AAK1: variants seen among roughly 807,000 people sequenced by gnomAD.
AAK1 encodes AP2 associated kinase 1, also known as AP2-associated protein kinase 1.
AAK1 carries 37 observed loss-of-function variants against 116.0 expected under a neutral mutation model. That is an observed-to-expected ratio of 0.32 (90% CI 0.25 to 0.42). AAK1 has a LOEUF of 0.42. Ranked by LOEUF, AAK1 falls within the 10% of genes least tolerant of loss-of-function variation. AAK1 has a pLI of 1.00. For missense variants in AAK1, 919 were observed against 1,170.6 expected, an observed-to-expected ratio of 0.79 and a Z score of 3.14; for synonymous variants, 458 against 439.9, an observed-to-expected ratio of 1.04 and a Z score of -0.51.
In AAK1 at chr2:69,474,771, A is replaced by G; in HGVS notation, c.*1098T>C. The G allele has an allele frequency of 2.0e-6, 2 of 985,826 alleles. No homozygotes were observed. The highest frequency in any genetic ancestry group is 2.4e-6 in the Non-Finnish European group (2 of 829,922). The allele number at this position is 985,826 out of a possible 1,614,324, so 61.1% of individuals were successfully genotyped here. On this transcript the variant is annotated 3_prime_UTR_variant, in exon 22 of 22. Transcript: ENST00000409085. ...TATTCAAAATGATTCCATATGTTAC[A>G]CTGTAGGATTGTTGTGTAGTTATAC... is the stretch of plus-strand genomic sequence containing the variant.
chr2:69,502,224 T>C (rs930194348), intron 16 of AAK1, among the ~76,000 whole-genome samples: 1 of 152,186 alleles, frequency 6.6e-6, no homozygotes, highest in African/African-American at 2.4e-5. Flanking sequence ...GATGATTTTC[T>C]AGGAAAAGAT....
At chr2:69,610,037 T>G (rs1436593657) in intron 2 of AAK1, among the ~76,000 whole-genome samples, 2 of 119,200 alleles carry the variant, frequency 1.7e-5, no homozygotes, top group Non-Finnish European at 3.2e-5. Flanking sequence ...GGCGACAGAG[T>G]GAGACTCTGT....
At chr2:69,555,417 A>G (rs1671351833) in intron 3 of AAK1, among the ~76,000 whole-genome samples, 1 of 152,320 alleles carries the variant, frequency 6.6e-6, no homozygotes, top group Admixed American at 6.5e-5. Context: ...CAGAAGTCCA[A>G]CTGCAGCCTA....
rs891842713 is a variant in AAK1 at position 69,601,819 on chromosome 2, G to A, written c.163+41059C>T. Among the ~76,000 whole-genome samples the A allele has an allele frequency of 2.6e-5, 4 of 152,304 alleles. No individual in the cohort carries two copies. In the East Asian group the frequency reaches 7.7e-4, roughly 29 times the overall value. On this transcript the variant is annotated intron_variant, in intron 2 of 21. Transcript: ENST00000409085. ...AGGATGGACACTAGCATTAGTAAAT[G>A]AAAGTTTGATAAGGAAGAGGATTTA... is the stretch of plus-strand genomic sequence containing the variant.
rs115169248 is a variant in AAK1 at position 69,493,491 on chromosome 2, G to A, written c.2365+2494C>T. 5.5e-3 allele frequency among the ~76,000 whole-genome samples: 835 copies of A among 152,200 alleles called. 8 individuals are homozygous for A. Among genetic ancestry groups the A allele is most frequent in the African/African-American group, 0.019 (800 of 41,532 alleles). ...TATGGAGCCAGTCGTCTGGTGCCTG[G>A]GAGCTGGGACAGAAATGCAGGGTAA... On this transcript the variant is annotated intron_variant, in intron 17 of 21. Coordinates refer to ENST00000409085, the MANE Select transcript of AAK1 (RefSeq NM_014911.5).
chr2:69,469,363 A>G lies in AAK1; in HGVS notation c.*6506T>C, dbSNP rs1674599496. The G allele has an allele frequency of 5.1e-6, 5 of 985,336 alleles. No homozygotes were observed. The highest frequency in any genetic ancestry group is 1.7e-5 in the African/African-American group (1 of 57,242). 61.0% of individuals were successfully genotyped at this position (985,336 alleles called of 1,614,324 possible). ...CCAAATATACTAGAAACAGAAGGTA[A>G]CCATTAAATCTTGTTGGCAGATAAA... On this transcript the variant is annotated 3_prime_UTR_variant, in exon 22 of 22. Transcript: ENST00000409085.
intron 2 of AAK1, among the ~76,000 whole-genome samples, chr2:69,582,399 G>A (rs188967035): frequency 1.3e-4 from 19 of 151,880 alleles, no homozygotes; most frequent in African/African-American, 4.1e-4. Context: ...GTGTGTGTGC[G>A]TGTGTGTGCG....
At chr2:69,563,813 T>G (rs1671749129) in intron 2 of AAK1, among the ~76,000 whole-genome samples, 1 of 152,186 alleles carries the variant, frequency 6.6e-6, no homozygotes, top group Non-Finnish European at 1.5e-5. Context: ...ATAATTCAGT[T>G]AAAGTGGGTT....
chr2:69,509,148 C>T, intron 14 of AAK1, 83 bp downstream of exon 14: 1 of 1,168,818 alleles, frequency 8.6e-7, no homozygotes, highest in Non-Finnish European at 1.3e-6. Flanking sequence ...CATCTACACA[C>T]TTATGCAAAG....
rs1490807008 is a variant in AAK1, at chr2:69,460,343, T to C, written c.*15526A>G. On this transcript the variant is annotated 3_prime_UTR_variant, in exon 22 of 22. Transcript: ENST00000409085. ...TTTCCTATGTGATATACTGCATATA[T>C]ATTATATCTGATATATGTTTTGATT... 6.7e-6 allele frequency: 1 copy of C among 150,144 alleles called. No homozygotes were observed. Among genetic ancestry groups the C allele is most frequent in the Admixed American group, 6.6e-5 (1 of 15,198 alleles). The allele number at this position is 150,144 out of a possible 1,614,324, so 9.3% of individuals were successfully genotyped here.
At chr2:69,493,429 G>T (rs1213866241) in intron 17 of AAK1, among the ~76,000 whole-genome samples, 3 of 152,036 alleles carry the variant, frequency 2.0e-5, no homozygotes, top group Admixed American at 6.5e-5. Context: ...GGTGTGGGGG[G>T]ACTGGCTGGG....
intron 3 of AAK1, among the ~76,000 whole-genome samples, chr2:69,545,569 A>G (rs971201023): frequency 2.0e-5 from 3 of 152,232 alleles, no homozygotes; most frequent in Non-Finnish European, 4.4e-5. Context: ...AATTAGATTC[A>G]GCTGTTTACA....
intron 2 of AAK1, among the ~76,000 whole-genome samples, chr2:69,570,710 T>G (rs1242217574): frequency 6.6e-6 from 1 of 152,210 alleles, no homozygotes; most frequent in Non-Finnish European, 1.5e-5. Flanking sequence ...GATTAATAGA[T>G]GTTTGGCAAA....
rs979041907 is a variant in AAK1 at position 69,474,212 on chromosome 2, A to C, written c.*1657T>G. On this transcript the variant is annotated 3_prime_UTR_variant, in exon 22 of 22. Coordinates refer to ENST00000409085, the MANE Select transcript of AAK1 (RefSeq NM_014911.5). ...TTTTCCCCCATAAAGTGCAAATGTG[A>C]GGAAGAAGAAACAAAAGTACTAGAT... is the stretch of plus-strand genomic sequence containing the variant. 1 of 985,844 alleles carries C rather than the reference A, an allele frequency of 1.0e-6. No individual in the cohort carries two copies. The highest frequency in any genetic ancestry group is 1.2e-6 in the Non-Finnish European group (1 of 829,934). The allele number at this position is 985,844 out of a possible 1,614,324, so 61.1% of individuals were successfully genotyped here.
intron 2 of AAK1, among the ~76,000 whole-genome samples, chr2:69,572,387 G>A (rs1572968592): frequency 6.6e-6 from 1 of 152,128 alleles, no homozygotes; most frequent in South Asian, 2.1e-4. Flanking sequence ...CCCAGCCGAG[G>A]TGGGCAGATC....
chr2:69,636,741 C>A (rs1675463756), intron 2 of AAK1, among the ~76,000 whole-genome samples: 1 of 151,832 alleles, frequency 6.6e-6, no homozygotes, highest in Non-Finnish European at 1.5e-5. Context: ...ACTCTGTCAC[C>A]CAGGCTGGAG....
At chr2:69,629,678 G>A (rs950701280) in intron 2 of AAK1, among the ~76,000 whole-genome samples, 2 of 152,128 alleles carry the variant, frequency 1.3e-5, no homozygotes, top group Admixed American at 1.3e-4. Context: ...TCTCCTGCCT[G>A]CCCAGCAAGT....
rs1328435572 is a variant in AAK1 at position 69,542,518 on chromosome 2, T to C, written c.534+5A>G. The C allele has an allele frequency of 5.0e-6, 8 of 1,613,882 alleles. No individual in the cohort carries two copies. Among genetic ancestry groups the C allele is most frequent in the Non-Finnish European group, 6.8e-6 (8 of 1,179,832 alleles). On this transcript the variant is annotated splice_donor_5th_base_variant and intron_variant, in intron 5 of 21. Coordinates refer to ENST00000409085, the MANE Select transcript of AAK1 (RefSeq NM_014911.5). ...ATGCCCGTAATGAAAGAGTGTGGTC[T>C]GTACCTTCAGGTCCCGGTGGATAAT...
At chr2:69,548,601 C>T (rs1671032782) in intron 3 of AAK1, among the ~76,000 whole-genome samples, 1 of 138,128 alleles carries the variant, frequency 7.2e-6, no homozygotes, top group Admixed American at 7.8e-5. Context: ...TTTTCTTCCC[C>T]TTCCTTCCTT....
Sources: gnomAD v4.1 joint callset for allele counts (sites outside exome capture counted in the v4.1 genomes callset) on GRCh38, gnomAD v4.1.1 for gene constraint, MANE v1.5 for transcripts, NCBI Gene and HGNC (gene_info 2026-07-23, HGNC 2026-07-21) for gene names.